Variants in CIMIP2A observed in about 807,000 individuals in gnomAD.
The protein encoded by CIMIP2A is family with sequence similarity 166 member A.
chr9:137,250,533 G>A, the CIMIP2A span: 1 of 152,570 alleles, frequency 6.6e-6, no homozygotes, highest in Non-Finnish European at 1.5e-5. Flanking sequence ...CCCTGCCCTG[G>A]TGGATTCTGG....
At chr9:137,251,080 T>A in the CIMIP2A span, 1 of 573,420 alleles carries the variant, frequency 1.7e-6, no homozygotes, top group Non-Finnish European at 3.1e-6. Flanking sequence ...GGGCCAGGAG[T>A]CACCGGGGCA....
the CIMIP2A span, among the ~76,000 whole-genome samples, chr9:137,254,761 G>A: frequency 3.3e-5 from 5 of 152,102 alleles, no homozygotes; most frequent in Admixed American, 3.3e-4. Context: ...TCACGGCTCC[G>A]CGGAGCTCGG....
At chr9:137,254,968 T>G in the CIMIP2A span, among the ~76,000 whole-genome samples, 1 of 152,088 alleles carries the variant, frequency 6.6e-6, no homozygotes. Context: ...GTCCGGCCCC[T>G]GCGGGGCAGA....
the CIMIP2A span, chr9:137,243,611 CAGCCTGTCCTGT>C: frequency 6.2e-7 from 1 of 1,613,348 alleles, no homozygotes. Context: ...TATTCACTCC[CAGCCTGTCCTGT>C]GGCCTGTCCC....
At chr9:137,244,291 G>A in the CIMIP2A span, 2 of 1,613,602 alleles carry the variant, frequency 1.2e-6, no homozygotes, top group East Asian at 2.2e-5. Context: ...AACAGGAACT[G>A]GGGAGACAGG....
chr9:137,246,351 G>A, the CIMIP2A span, among the ~76,000 whole-genome samples: 7 of 152,206 alleles, frequency 4.6e-5, no homozygotes, highest in Non-Finnish European at 8.8e-5. Context: ...GCAGGTGGAG[G>A]GCTGGGCTTT....
At chr9:137,251,251 C>G in the CIMIP2A span, 10 of 1,367,440 alleles carry the variant, frequency 7.3e-6, no homozygotes, top group Non-Finnish European at 1.0e-5. Context: ...CACAGAGCTC[C>G]GTGGTGCCGT....
At chr9:137,251,680 G>A in the CIMIP2A span, 1 of 1,531,574 alleles carries the variant, frequency 6.5e-7, no homozygotes, top group Non-Finnish European at 8.8e-7. Context: ...ACAGGCTGTG[G>A]GGCATGTGGC....
chr9:137,248,889 TA>T, the CIMIP2A span, among the ~76,000 whole-genome samples: 1 of 151,752 alleles, frequency 6.6e-6, no homozygotes, highest in African/African-American at 2.4e-5. Flanking sequence ...AAAAAACAAC[TA>T]AAAGGCAAAC....
the CIMIP2A span, chr9:137,251,981 A>G: frequency 1.2e-6 from 2 of 1,606,268 alleles, no homozygotes; most frequent in Non-Finnish European, 1.7e-6. Flanking sequence ...CCAGGCCCAG[A>G]GCTTGCTTCC....
chr9:137,252,955 G>T, the CIMIP2A span: 1 of 1,597,932 alleles, frequency 6.3e-7, no homozygotes, highest in Non-Finnish European at 8.5e-7. Context: ...TCACCTCCTG[G>T]CTCAGCACCT....
the CIMIP2A span, chr9:137,251,876 C>A: frequency 1.2e-6 from 2 of 1,608,572 alleles, no homozygotes; most frequent in African/African-American, 2.7e-5. Context: ...CCACCTACAC[C>A]CAGACCCTGA....
the CIMIP2A span, chr9:137,244,746 G>A: frequency 1.2e-6 from 2 of 1,611,840 alleles, no homozygotes; most frequent in Non-Finnish European, 1.7e-6. Context: ...CCTGGGGGTA[G>A]GCAGATGTAC....
At chr9:137,251,340 T>C in the CIMIP2A span, 4 of 1,613,482 alleles carry the variant, frequency 2.5e-6, no homozygotes, top group East Asian at 4.5e-5. Flanking sequence ...TTTACATCAA[T>C]GGAGGCAAAC....
chr9:137,248,714 G>A, the CIMIP2A span, among the ~76,000 whole-genome samples: 1,399 of 151,958 alleles, frequency 9.2e-3, 13 homozygotes, highest in Non-Finnish European at 0.014. Flanking sequence ...AAAAAAGAAA[G>A]AAAAATTAGC....
chr9:137,252,536 G>A, the CIMIP2A span: 7 of 1,576,572 alleles, frequency 4.4e-6, no homozygotes, highest in East Asian at 2.3e-5. Flanking sequence ...GTTGGGGGCT[G>A]GGCAGGAAGG....
chr9:137,247,321 G>A, the CIMIP2A span, among the ~76,000 whole-genome samples: 2 of 152,358 alleles, frequency 1.3e-5, no homozygotes, highest in East Asian at 1.9e-4. Flanking sequence ...GAAGTGTGGA[G>A]TCCTCTCTGG....
At chr9:137,248,542 C>CAAAAAAAAAAA in the CIMIP2A span, among the ~76,000 whole-genome samples, 1 of 109,500 alleles carries the variant, frequency 9.1e-6, no homozygotes, top group African/African-American at 3.5e-5. Context: ...GACTCTGTCT[C>CAAAAAAAAAAA]AAAAAAAAAA....
the CIMIP2A span, chr9:137,244,716 G>A: frequency 5.5e-5 from 88 of 1,613,296 alleles, no homozygotes; most frequent in Non-Finnish European, 7.0e-5. Context: ...CAGGTGAAAC[G>A]GGGAATGAAG....
Sources: gnomAD v4.1 joint callset for allele counts (sites outside exome capture counted in the v4.1 genomes callset) on GRCh38, gnomAD v4.1.1 for gene constraint, MANE v1.5 for transcripts, NCBI Gene and HGNC (gene_info 2026-07-23, HGNC 2026-07-21) for gene names.